Variants in SH3TC2 observed in about 807,000 individuals in gnomAD.
The protein encoded by SH3TC2 is SH3 domain and tetratricopeptide repeat-containing protein 2.
Under a neutral mutation model 124.5 loss-of-function variants are expected in SH3TC2, and 87 were observed. The ratio of observed to expected loss-of-function variants is 0.70; its 90% CI spans 0.59 to 0.84. The LOEUF (loss-of-function observed/expected upper bound fraction) is 0.84. Among genes scored for constraint, SH3TC2 ranks in the 40% least tolerant of loss-of-function variants. SH3TC2 has a pLI of 0.00. For synonymous variants in SH3TC2, 634 were observed against 628.5 expected (o/e 1.01, Z -0.13); for missense variants, 1,536 against 1,566.4 (o/e 0.98, Z 0.33).
chr5:149,029,828 G>A (rs907607153), intron 9 of SH3TC2, among the ~76,000 whole-genome samples: 2 of 150,748 alleles, frequency 1.3e-5, no homozygotes, highest in African/African-American at 4.8e-5. Context: ...GGAGGTGAAG[G>A]CTAGCTTCAC....
At chr5:149,011,349 A>G (rs767554282) in intron 13 of SH3TC2, among the ~76,000 whole-genome samples, 1 of 152,236 alleles carries the variant, frequency 6.6e-6, no homozygotes, top group South Asian at 2.1e-4. Flanking sequence ...CACCAAAACA[A>G]TGCACAATCG....
intron 3 of SH3TC2, chr5:149,045,143 A>G (rs78903082): frequency 0.073 from 11,323 of 154,232 alleles, 483 homozygotes; most frequent in African/African-American, 0.11. Context: ...CCCTACTCCT[A>G]AAGATCATCA....
rs1753630499 is a variant in SH3TC2, at chr5:149,003,506, G to A, written c.*1205C>T. The A allele has an allele frequency of 6.3e-6, 1 of 158,392 alleles. No homozygotes were observed. The highest frequency in any genetic ancestry group is 2.4e-5 in the African/African-American group (1 of 41,522). The allele number at this position is 158,392 out of a possible 1,614,324, so 9.8% of individuals were successfully genotyped here. A position where few individuals can be genotyped will look rare whatever the true frequency, so the allele number is the denominator to read the frequency against. On this transcript the variant is annotated 3_prime_UTR_variant, in exon 17 of 17. Coordinates refer to ENST00000515425, the MANE Select transcript of SH3TC2 (RefSeq NM_024577.4). ...GGAAGCCCATCCTTCTCTAGTTGAAGTTGAGATAACTGCAGCCCCAGCTGA... is the reference window on the plus strand; with the variant it reads ...GGAAGCCCATCCTTCTCTAGTTGAAATTGAGATAACTGCAGCCCCAGCTGA...
Position 148,984,935 on chromosome 5 carries a change from A to T in SH3TC2, c.*19776T>A, listed in dbSNP as rs1482963118. Among the ~76,000 whole-genome samples the T allele has an allele frequency of 6.6e-6, 1 of 152,202 alleles. No homozygotes were observed. The highest frequency in any genetic ancestry group is 6.5e-5 in the Admixed American group (1 of 15,268). On this transcript the variant is annotated 3_prime_UTR_variant, in exon 17 of 17. Coordinates refer to ENST00000515425, the MANE Select transcript of SH3TC2 (RefSeq NM_024577.4). Reference sequence around the variant, plus strand: ...AATGGGTTATAGAGGTACCATTTACAAAGTGTATAAAACAGGACAGGAAGT... The same window carrying T: ...AATGGGTTATAGAGGTACCATTTACTAAGTGTATAAAACAGGACAGGAAGT...
rs1753370286 is a variant in SH3TC2, at chr5:148,988,513, C to T, written c.*16198G>A. Among the ~76,000 whole-genome samples, 1 of 151,642 alleles carries T rather than the reference C, an allele frequency of 6.6e-6. No individual in the cohort carries two copies. The highest frequency in any genetic ancestry group is 2.4e-5 in the African/African-American group (1 of 41,466). On this transcript the variant is annotated 3_prime_UTR_variant, in exon 17 of 17. Coordinates refer to ENST00000515425, the MANE Select transcript of SH3TC2 (RefSeq NM_024577.4). ...GGAATGCTAGCTCTTGGAATGCACT[C>T]TCTTGGAACCAGCCACCATGCTGTA...
rs1753452560 is a variant in SH3TC2, at chr5:148,993,396, T to C, written c.*11315A>G. 6.6e-6 allele frequency among the ~76,000 whole-genome samples: 1 copy of C among 152,190 alleles called. No homozygotes were observed. Among genetic ancestry groups the C allele is most frequent in the South Asian group, 2.1e-4 (1 of 4,830 alleles). On this transcript the variant is annotated 3_prime_UTR_variant, in exon 17 of 17. Transcript: ENST00000515425. ...TGCAAAAGAATTCATCTCCATAAAA[T>C]GATTTTGATAAAATAGAAGATGGAA...
Position 149,054,362 on chromosome 5 carries a change from T to A in SH3TC2, c.53-2122A>T, listed in dbSNP as rs772707321. 3.9e-5 allele frequency among the ~76,000 whole-genome samples: 6 copies of A among 152,300 alleles called. No individual in the cohort carries two copies. The South Asian group carries it at 1.2e-3, about 32-fold the overall frequency. ...CTAGATTGGTGCTTTTGAAACTTTATTTTACCTATGAATCACCTATGGATA... is the reference window on the plus strand; with the variant it reads ...CTAGATTGGTGCTTTTGAAACTTTAATTTACCTATGAATCACCTATGGATA... On this transcript the variant is annotated intron_variant, in intron 1 of 16. Transcript: ENST00000515425.
At position 148,987,918 on chromosome 5, in the gene SH3TC2, A is replaced by C. The variant is rs552109589; in HGVS notation, c.*16793T>G. ...ACTCTGTGGCCCAGAGTAAGCTTAC[A>C]TAGTGAGTGCACCTAAAGGTGAGCC... On this transcript the variant is annotated 3_prime_UTR_variant, in exon 17 of 17. Coordinates refer to ENST00000515425, the MANE Select transcript of SH3TC2 (RefSeq NM_024577.4). Among the ~76,000 whole-genome samples the C allele has an allele frequency of 2.6e-5, 4 of 151,904 alleles. No individual in the cohort carries two copies. The highest frequency in any genetic ancestry group is 9.7e-5 in the African/African-American group (4 of 41,344).
Position 149,026,873 on chromosome 5 carries a change from A to T in SH3TC2, c.2859T>A (p.His953Gln), listed in dbSNP as rs1034060043. The T allele has an allele frequency of 1.2e-6, 2 of 1,614,072 alleles. No individual in the cohort carries two copies. Among genetic ancestry groups the T allele is most frequent in the Non-Finnish European group, 1.7e-6 (2 of 1,180,050 alleles). The change falls in exon 11 of 17, where the codon CAT becomes CAA. Residue 953 changes from histidine (H) to glutamine (Q), a missense_variant. This residue lies in a region of SH3TC2 where 426 missense variants were observed against 443.5 expected (regional missense o/e 0.96). Transcript: ENST00000515425. Reference sequence around the variant, plus strand: ...GGACATACTTACTCTTTAGATGTCGATGCCTTAAGCCAAACAGCAATGCCA... The same window carrying T: ...GGACATACTTACTCTTTAGATGTCGTTGCCTTAAGCCAAACAGCAATGCCA... ...YEMALLFGLR[H>Q]RHLKSQLQAT...
At chr5:149,051,605 C>T (rs1046890120) in intron 2 of SH3TC2, among the ~76,000 whole-genome samples, 1 of 152,134 alleles carries the variant, frequency 6.6e-6, no homozygotes, top group Admixed American at 6.5e-5. Flanking sequence ...GCATATGCCA[C>T]TGTGTCTGAC....
chr5:149,040,468 A>G, intron 7 of SH3TC2, 136 bp downstream of exon 7: 2 of 790,402 alleles, frequency 2.5e-6, no homozygotes, highest in Admixed American at 2.0e-5. Flanking sequence ...ACAGACAGAA[A>G]CTGGCTTCCC....
Position 149,028,375 on chromosome 5 carries a change from G to A in SH3TC2, c.1357C>T (p.Leu453Phe), listed in dbSNP as rs1561765425. 2 of 1,614,148 alleles carry A rather than the reference G, an allele frequency of 1.2e-6. No homozygotes were observed. The highest frequency in any genetic ancestry group is 1.3e-5 in the African/African-American group (1 of 75,060). ...TCCTGACCAGTGCTTAGGTCCATGA[G>A]CAGTTCCGGGTCATCAAGGTCATCA... ...EPDDLDDPEL[L>F]MDLSTGQEEE... The change falls in exon 11 of 17, where the codon CTC (leucine) becomes TTC (phenylalanine). Residue 453 changes from leucine to phenylalanine, a missense_variant. Physicochemically the swap from Leu to Phe is conservative, Grantham distance 22. This residue lies in a region of SH3TC2 where 1,102 missense variants were observed against 1,098.6 expected (regional missense o/e 1.00). Transcript: ENST00000515425.
intron 12 of SH3TC2, among the ~76,000 whole-genome samples, chr5:149,015,823 C>T (rs11744351): frequency 0.98 from 149,244 of 152,322 alleles, 73,134 homozygotes; most frequent in East Asian, 1. Context: ...GTTTTGATGA[C>T]AAAGATGGCC....
intron 4 of SH3TC2, among the ~76,000 whole-genome samples, chr5:149,043,227 G>A (rs955687291): frequency 3.3e-5 from 5 of 152,122 alleles, no homozygotes; most frequent in African/African-American, 4.8e-5. Flanking sequence ...TCAAACTACT[G>A]TGTCCCTGAT....
In SH3TC2 at chr5:148,991,355, A is replaced by G. The variant is rs1358732998; in HGVS notation, c.*13356T>C. ...TGCTGTGCTCTGAAGAAGAGGGTCA[A>G]TTTCTTTGTGGGGAGTAGCAACACA... is the stretch of plus-strand genomic sequence containing the variant. On this transcript the variant is annotated 3_prime_UTR_variant, in exon 17 of 17. Transcript: ENST00000515425. Among the ~76,000 whole-genome samples the G allele has an allele frequency of 6.6e-6, 1 of 152,196 alleles. No homozygotes were observed. The highest frequency in any genetic ancestry group is 1.5e-5 in the Non-Finnish European group (1 of 68,032).
Position 148,996,886 on chromosome 5 carries a change from TC to T in SH3TC2, c.*7824del, listed in dbSNP as rs1753518232. ...AGAAGCGAGGTATCTATTTTCAAAA[TC>T]CTTTTCATAGATAACAGTAAAATGT... On this transcript the variant is annotated 3_prime_UTR_variant, in exon 17 of 17. Transcript: ENST00000515425. Among the ~76,000 whole-genome samples, 1 of 152,156 alleles carries T rather than the reference TC, an allele frequency of 6.6e-6. No individual in the cohort carries two copies. Among genetic ancestry groups the T allele is most frequent in the Non-Finnish European group, 1.5e-5 (1 of 68,012 alleles).
chr5:149,028,492 C>G lies in SH3TC2; in HGVS notation c.1240G>C (p.Val414Leu), dbSNP rs138303846. Residue 414 changes from valine (V) to leucine (L), a missense_variant, in exon 11 of 17, where the codon GTG (valine) becomes CTG (leucine). This residue lies in a region of SH3TC2 where 1,102 missense variants were observed against 1,098.6 expected (regional missense o/e 1.00). Transcript: ENST00000515425. ...GAGCTGCTGGACTGTCTGGACCCCACGGCCTGATGCTCCTCCCAGGCTCTG... is the reference window on the plus strand; with the variant it reads ...GAGCTGCTGGACTGTCTGGACCCCAGGGCCTGATGCTCCTCCCAGGCTCTG... ...PGRAWEEHQA[V>L]GSRQSSSSED... 1.2e-6 allele frequency: 2 copies of G among 1,613,118 alleles called. No individual in the cohort carries two copies. The highest frequency in any genetic ancestry group is 2.2e-5 in the South Asian group (2 of 91,018).
intron 7 of SH3TC2, among the ~76,000 whole-genome samples, chr5:149,039,176 C>A (rs1025616880): frequency 6.6e-6 from 1 of 152,182 alleles, no homozygotes; most frequent in African/African-American, 2.4e-5. Context: ...TGATAAATTG[C>A]CTACCTAGGA....
Position 148,985,193 on chromosome 5 carries a change from GCAAAAATATA to G in SH3TC2, c.*19508_*19517del, listed in dbSNP as rs568295211. 7.2e-4 allele frequency among the ~76,000 whole-genome samples: 108 copies of G among 150,722 alleles called. No individual in the cohort carries two copies. The highest frequency in any genetic ancestry group is 1.3e-3 in the Non-Finnish European group (90 of 67,754). ...CAAAGCACTTAAAATCAAAACACAC[GCAAAAATATA>G]TTACTACTCATTTGAGGGTACCCTG... On this transcript the variant is annotated 3_prime_UTR_variant, in exon 17 of 17. Coordinates refer to ENST00000515425, the MANE Select transcript of SH3TC2 (RefSeq NM_024577.4).
Sources: gnomAD v4.1 joint callset for allele counts (sites outside exome capture counted in the v4.1 genomes callset) on GRCh38, gnomAD v4.1.1 for gene constraint, gnomAD v4.1.1 regional missense constraint, MANE v1.5 for transcripts, NCBI Gene and HGNC (gene_info 2026-07-23, HGNC 2026-07-21) for gene names.